Variants in ATP2B4 observed in about 807,000 individuals in gnomAD.
ATP2B4 encodes ATPase plasma membrane Ca2+ transporting 4, also known as plasma membrane calcium-transporting ATPase 4.
A neutral mutation model predicts 110.3 loss-of-function variants in ATP2B4; 39 were observed. The observed-to-expected ratio is 0.35, with a 90% confidence interval of 0.27 to 0.46. The LOEUF is 0.46. Among genes scored for constraint, ATP2B4 ranks in the 20% least tolerant of loss-of-function variants. The pLI is 1.00. For synonymous variants in ATP2B4, 538 were observed against 571.7 expected, an observed-to-expected ratio of 0.94 and a Z score of 0.84; for missense variants, 1,135 against 1,530.9, an observed-to-expected ratio of 0.74 and a Z score of 4.32.
intron 1 of ATP2B4, among the ~76,000 whole-genome samples, chr1:203,645,543 A>T (rs1168771049): frequency 6.7e-6 from 1 of 148,558 alleles, no homozygotes; most frequent in African/African-American, 2.5e-5. Flanking sequence ...TATCACAGTC[A>T]TCACTCCTCA....
At chr1:203,733,374 C>T (rs769304370) in intron 20 of ATP2B4, 13 of 1,613,824 alleles carry the variant, frequency 8.1e-6, no homozygotes, top group Non-Finnish European at 1.1e-5. Context: ...ACTTCTGTTC[C>T]TGCTGTTTCA....
At chr1:203,738,155 A>AT (rs565858760) in intron 20 of ATP2B4, among the ~76,000 whole-genome samples, 181 of 150,802 alleles carry the variant, frequency 1.2e-3, no homozygotes, top group African/African-American at 4.2e-3. Context: ...CATTACTCCC[A>AT]TTTCTTTTCT....
At chr1:203,655,833 T>C (rs938008825) in intron 1 of ATP2B4, among the ~76,000 whole-genome samples, 3 of 152,132 alleles carry the variant, frequency 2.0e-5, no homozygotes, top group Non-Finnish European at 4.4e-5. Context: ...CCATCCACAT[T>C]GAGAAAAGAC....
chr1:203,702,457 TG>T (rs1346917196), intron 7 of ATP2B4, among the ~76,000 whole-genome samples: 1 of 151,850 alleles, frequency 6.6e-6, no homozygotes, highest in Non-Finnish European at 1.5e-5. Context: ...TGGAGGGAGG[TG>T]GGGTGGGTAG....
At chr1:203,651,934 G>A (rs1402017598) in intron 1 of ATP2B4, among the ~76,000 whole-genome samples, 2 of 150,540 alleles carry the variant, frequency 1.3e-5, no homozygotes, top group South Asian at 2.1e-4. Flanking sequence ...GTGGTGGGAC[G>A]CCTGTAGTCC....
At chr1:203,656,872 T>C in intron 1 of ATP2B4, 1 of 457,124 alleles carries the variant, frequency 2.2e-6, no homozygotes, top group Non-Finnish European at 3.9e-6. Context: ...AATCTCTTGA[T>C]TGCAGACATA....
chr1:203,700,128 G>T, intron 4 of ATP2B4, 78 bp from the exon 5 acceptor site: 1 of 1,517,670 alleles, frequency 6.6e-7, no homozygotes. Flanking sequence ...AGATAGGGTT[G>T]AAGGAGTTGG....
chr1:203,711,043 A>C lies in ATP2B4; in HGVS notation c.1966A>C (p.Asn656His). The C allele has an allele frequency of 6.2e-7, 1 of 1,614,080 alleles. No individual in the cohort carries two copies. Residue 656 changes from asparagine (N) to histidine (H), a missense_variant, in exon 12 of 21, where the codon AAT (asparagine) becomes CAT (histidine). This residue lies in a region of ATP2B4 where 368 missense variants were observed against 455.9 expected (regional missense o/e 0.81). Coordinates refer to ENST00000357681, the MANE Select transcript of ATP2B4 (RefSeq NM_001684.5). ...CACAGAGCCCTCTTGGGACAATGAG[A>C]ATGAGATCCTCACCGAACTGACCTG... ...DDTEPSWDNENEILTELTCIA... is the reference protein window; with the variant it reads ...DDTEPSWDNEHEILTELTCIA...
intron 15 of ATP2B4, among the ~76,000 whole-genome samples, chr1:203,715,971 C>T (rs112506885): frequency 0.012 from 1,698 of 144,314 alleles, 246 homozygotes; most frequent in Non-Finnish European, 0.019. Context: ...ATTGGAAAGC[C>T]GGGAACTGGG....
At chr1:203,699,920 A>T (rs997362365) in intron 4 of ATP2B4, among the ~76,000 whole-genome samples, 3 of 152,200 alleles carry the variant, frequency 2.0e-5, no homozygotes, top group African/African-American at 7.2e-5. Context: ...AGATTGTCAG[A>T]CTTGTACCCT....
At chr1:203,724,019 C>T (rs566807503) in intron 19 of ATP2B4, 31 bp downstream of exon 19, 3 of 1,566,858 alleles carry the variant, frequency 1.9e-6, no homozygotes, top group Non-Finnish European at 2.6e-6. Context: ...CTGGTGCATT[C>T]TCACAGCCTG....
chr1:203,708,985 G>A (rs1379363738), intron 10 of ATP2B4, among the ~76,000 whole-genome samples: 5 of 151,890 alleles, frequency 3.3e-5, no homozygotes, highest in South Asian at 2.1e-4. Context: ...GGTGAAACCC[G>A]GTCTCTACTA....
rs372323831 is a variant in ATP2B4, at chr1:203,650,627, C to G, written c.-465+23408C>G. ...GCAGAGGCCGGGGGAGCTGCAGGTC[C>G]GAACTCGGCCGGCCCGGGGCGAGGG... On this transcript the variant is annotated intron_variant, in intron 1 of 20. Transcript: ENST00000357681. 5.2e-3 allele frequency among the ~76,000 whole-genome samples: 788 copies of G among 152,288 alleles called. 8 individuals carry two copies. Among genetic ancestry groups the G allele is most frequent in the African/African-American group, 0.016 (647 of 41,564 alleles).
chr1:203,721,238 G>C lies in ATP2B4; in HGVS notation c.2640G>C (p.Leu880=), dbSNP rs762225120. 1 of 1,614,098 alleles carries C rather than the reference G, an allele frequency of 6.2e-7. No individual in the cohort carries two copies. Residue 880 remains leucine, a synonymous_variant, in exon 17 of 21, where the codon CTG becomes CTC. Coordinates refer to ENST00000357681, the MANE Select transcript of ATP2B4 (RefSeq NM_001684.5). ...CTGTGCAGATGTTGTGGGTTAATCT[G>C]ATCATGGACACTTTTGCTTCATTGG... The part of the protein sequence containing the change: ...LKAVQMLWVN[L]IMDTFASLAL...
Position 203,700,930 on chromosome 1 carries a change from G to T in ATP2B4, c.901+7G>T. ...GGGGAGAAAAAGAAGAAAGGTAAGG[G>T]GCATCTGGAATGAGATTCTCTTTCC... On this transcript the variant is annotated splice_region_variant and intron_variant, in intron 6 of 20. Transcript: ENST00000357681. The T allele has an allele frequency of 6.2e-7, 1 of 1,611,266 alleles. No individual in the cohort carries two copies. Among genetic ancestry groups the T allele is most frequent in the East Asian group, 2.2e-5 (1 of 44,796 alleles).
At chr1:203,683,746 T>C (rs1471328248) in intron 2 of ATP2B4, among the ~76,000 whole-genome samples, 1 of 138,454 alleles carries the variant, frequency 7.2e-6, no homozygotes, top group Non-Finnish European at 1.5e-5. Context: ...TGATCATGGC[T>C]CACTGCAGCC....
intron 20 of ATP2B4, among the ~76,000 whole-genome samples, chr1:203,730,155 A>T (rs567361947): frequency 6.6e-6 from 1 of 151,386 alleles, no homozygotes; most frequent in Non-Finnish European, 1.5e-5. Context: ...TTAAAAAAAA[A>T]TTTACCCTGC....
chr1:203,684,221 A>C (rs973773063), intron 2 of ATP2B4, among the ~76,000 whole-genome samples: 1 of 152,104 alleles, frequency 6.6e-6, no homozygotes, highest in Non-Finnish European at 1.5e-5. Context: ...TACTGTTAGA[A>C]ATGGGATGAT....
At chr1:203,660,882 A>G (rs4430397) in intron 1 of ATP2B4, among the ~76,000 whole-genome samples, 139,270 of 151,998 alleles carry the variant, frequency 0.92, 64,726 homozygotes, top group Non-Finnish European at 0.99. Context: ...AGGCCGAGGC[A>G]GGCGGATCAC....
Sources: allele counts gnomAD v4.1 joint callset (sites outside exome capture counted in the v4.1 genomes callset), GRCh38; gene constraint gnomAD v4.1.1; regional missense constraint gnomAD v4.1.1; transcripts MANE v1.5; gene names NCBI Gene and HGNC (gene_info 2026-07-23, HGNC 2026-07-21).